The following RGL4 variants were observed in gnomAD, a reference collection of about 807,000 sequenced individuals.
The protein encoded by RGL4 is ral-GDS-related protein.
In RGL4, 41 loss-of-function variants were observed where a neutral mutation model predicts 49.6. The observed-to-expected ratio is 0.83, with a 90% CI of 0.64 to 1.07. RGL4 has a LOEUF of 1.07. Ranked by LOEUF, RGL4 falls within the 50% of genes least tolerant of loss-of-function variation. The pLI is 0.00. For missense variants in RGL4, 610 were observed against 591.9 expected (o/e 1.03, Z -0.32); for synonymous variants, 255 against 238.0 (o/e 1.07, Z -0.66).
chr22:23,697,163 T>G lies in RGL4; in HGVS notation c.1162-8T>G. ...CCCCTCCCACCTCCCCACCCCTCCT[T>G]GGCACAGGGTGTGGTCCCCTTCCTG... On this transcript the variant is annotated splice_polypyrimidine_tract_variant and splice_region_variant and intron_variant, in intron 7 of 10. Transcript: ENST00000290691. 1 of 1,609,900 alleles carries G rather than the reference T, an allele frequency of 6.2e-7. No individual in the cohort carries two copies. Among genetic ancestry groups the G allele is most frequent in the Non-Finnish European group, 8.5e-7 (1 of 1,177,210 alleles).
chr22:23,693,043 C>T lies in RGL4; in HGVS notation c.696+52C>T, dbSNP rs776580445. On this transcript the variant is annotated intron_variant, in intron 3 of 10. Transcript: ENST00000290691. ...GTCTCTGGCACCAGCTGTCTCAGACCAGCCTCTCCCTGAGGAGCAGCCAAT... is the reference window on the plus strand; with the variant it reads ...GTCTCTGGCACCAGCTGTCTCAGACTAGCCTCTCCCTGAGGAGCAGCCAAT... The T allele has an allele frequency of 2.6e-6, 4 of 1,529,664 alleles. No individual in the cohort carries two copies. The Admixed American group carries it at 7.8e-5, about 30-fold the overall frequency. 94.8% of individuals were successfully genotyped at this position (1,529,664 alleles called of 1,614,324 possible). A position where few individuals can be genotyped will look rare whatever the true frequency, so the allele number is the denominator to read the frequency against.
rs1923129247 is a variant in RGL4 at position 23,691,379 on chromosome 22, C to A, written c.-652C>A. On this transcript the variant is annotated 5_prime_UTR_variant, in exon 1 of 11. Transcript: ENST00000290691. ...TTGGTGCTGAAAAAGGAGCCACAGG[C>A]CCACTCAGACATCTGGAGAGGCTCA... The A allele has an allele frequency of 1.3e-5, 2 of 152,204 alleles. No homozygotes were observed. The highest frequency in any genetic ancestry group is 2.9e-5 in the Non-Finnish European group (2 of 68,060). 9.4% of individuals were successfully genotyped at this position (152,204 alleles called of 1,614,324 possible).
In RGL4 at chr22:23,692,338, C is replaced by T. The variant is rs1324994454; in HGVS notation, c.183C>T (p.Thr61=). 6.2e-7 allele frequency: 1 copy of T among 1,614,004 alleles called. No homozygotes were observed. The highest frequency in any genetic ancestry group is 8.5e-7 in the Non-Finnish European group (1 of 1,179,908). The change falls in exon 2 of 11, where the codon ACC becomes ACT. Residue 61 remains threonine (T), a synonymous_variant. Transcript: ENST00000290691. ...PFQDSTDGLR[T]ITSILFNWPP... ...CAGCTGTCTACTCCATCACCAGCAC[C>T]ATCACCTCCATTTTGTTCAACTGGC... is the stretch of plus-strand genomic sequence containing the variant.
In RGL4 at chr22:23,691,313, T is replaced by C. The variant is rs982216239; in HGVS notation, c.-718T>C. On this transcript the variant is annotated 5_prime_UTR_variant, in exon 1 of 11. Coordinates refer to ENST00000290691, the MANE Select transcript of RGL4 (RefSeq NM_153615.2). ...GGTAAAGGATGTCTGAGATTCCTTCTGGCTGGTCTTTCTCCTTGACACAGA... is the reference window on the plus strand; with the variant it reads ...GGTAAAGGATGTCTGAGATTCCTTCCGGCTGGTCTTTCTCCTTGACACAGA... 1 of 152,320 alleles carries C rather than the reference T, an allele frequency of 6.6e-6. No homozygotes were observed. The highest frequency in any genetic ancestry group is 1.9e-4 in the East Asian group (1 of 5,184). 9.4% of individuals were successfully genotyped at this position (152,320 alleles called of 1,614,324 possible). A position where few individuals can be genotyped will look rare whatever the true frequency, so the allele number is the denominator to read the frequency against.
At chr22:23,694,053 G>A (rs560813865) in intron 4 of RGL4, 79 bp downstream of exon 4, 173 of 1,311,424 alleles carry the variant, frequency 1.3e-4, no homozygotes, top group Non-Finnish European at 1.8e-4. Flanking sequence ...TTTCAGGATC[G>A]GCATCTGTAT....
chr22:23,693,987 T>C lies in RGL4; in HGVS notation c.912+13T>C. ...CAAGGTGGCCAGGGTAAGCTATGGT[T>C]GGGCCTGGGGATTCCCTCTTTAAAA... On this transcript the variant is annotated intron_variant, in intron 4 of 10. Coordinates refer to ENST00000290691, the MANE Select transcript of RGL4 (RefSeq NM_153615.2). The C allele has an allele frequency of 3.1e-6, 5 of 1,610,702 alleles. No homozygotes were observed. The highest frequency in any genetic ancestry group is 4.2e-6 in the Non-Finnish European group (5 of 1,177,730).
rs188693640 is a variant in RGL4 at position 23,691,480 on chromosome 22, T to C, written c.-551T>C. 444 of 153,726 alleles carry C rather than the reference T, an allele frequency of 2.9e-3. 2 individuals carry two copies. Among genetic ancestry groups the C allele is most frequent in the Non-Finnish European group, 4.2e-3 (293 of 68,956 alleles). 9.5% of individuals were successfully genotyped at this position (153,726 alleles called of 1,614,324 possible). Reference sequence around the variant, plus strand: ...ACACCTCATTTGTGCATCGCTCTTCTTGGGGCTTGGCATAATTTCATAAAC... The same window carrying C: ...ACACCTCATTTGTGCATCGCTCTTCCTGGGGCTTGGCATAATTTCATAAAC... On this transcript the variant is annotated 5_prime_UTR_variant, in exon 1 of 11. Coordinates refer to ENST00000290691, the MANE Select transcript of RGL4 (RefSeq NM_153615.2).
intron 8 of RGL4, 74 bp downstream of exon 8, chr22:23,697,319 C>T: frequency 8.1e-7 from 1 of 1,227,532 alleles, no homozygotes; most frequent in Non-Finnish European, 1.2e-6. Context: ...TGGACCGAGC[C>T]TTTAGATCTC....
At chr22:23,697,784 G>A (rs1038932782) in intron 8 of RGL4, 54 bp from the exon 9 acceptor site, 7 of 1,574,038 alleles carry the variant, frequency 4.4e-6, no homozygotes, top group Non-Finnish European at 5.2e-6. Context: ...AAGGGGTGGG[G>A]TGGGGCTGGT....
intron 5 of RGL4, 102 bp downstream of exon 5, chr22:23,694,552 G>A (rs1923361850): frequency 1.2e-6 from 1 of 805,166 alleles, no homozygotes; most frequent in South Asian, 1.5e-5. Flanking sequence ...TGGAGTCCAG[G>A]GACACTGGAG....
intron 6 of RGL4, 102 bp downstream of exon 6, chr22:23,695,121 G>A: frequency 1.1e-6 from 1 of 876,364 alleles, no homozygotes. Context: ...TATTTTGTTT[G>A]GTTTTGACTT....
chr22:23,696,163 G>A (rs747777024), intron 6 of RGL4, among the ~76,000 whole-genome samples: 5 of 152,320 alleles, frequency 3.3e-5, no homozygotes, highest in South Asian at 4.1e-4. Flanking sequence ...AGAAGGAGGC[G>A]TCCTCTCTTT....
rs1043719259 is a variant in RGL4, at chr22:23,698,788, CA to C, written c.1383-55del. On this transcript the variant is annotated intron_variant, in intron 10 of 10. Transcript: ENST00000290691. ...AGGATTCCAGCTGGGCAGGCACTGA[CA>C]GGGGACCTGATGTGTGGCTCATGGT... 5.1e-6 allele frequency: 8 copies of C among 1,561,144 alleles called. No individual in the cohort carries two copies. In the African/African-American group the frequency reaches 1.1e-4, roughly 21 times the overall value.
At chr22:23,694,731 T>C (rs1039254638) in intron 5 of RGL4, 8 of 597,636 alleles carry the variant, frequency 1.3e-5, no homozygotes, top group Non-Finnish European at 2.4e-5. Flanking sequence ...GAAAGCTAAC[T>C]GTAAACACGC....
intron 9 of RGL4, 62 bp downstream of exon 9, chr22:23,697,923 G>A (rs1174890583): frequency 1.3e-6 from 2 of 1,554,206 alleles, no homozygotes; most frequent in Non-Finnish European, 1.8e-6. Context: ...AGTCCACCCT[G>A]GGCAGGACAC....
At chr22:23,694,661 C>CT in intron 5 of RGL4, 1 of 597,608 alleles carries the variant, frequency 1.7e-6, no homozygotes, top group South Asian at 2.0e-5. Context: ...CAGGAACAGA[C>CT]TGGAGCCAAC....
chr22:23,697,315 G>A lies in RGL4; in HGVS notation c.1236+70G>A, dbSNP rs113678815. 221 of 1,268,912 alleles carry A rather than the reference G, an allele frequency of 1.7e-4. 4 individuals carry two copies. In the South Asian group the frequency reaches 2.4e-3, roughly 14 times the overall value. The allele number at this position is 1,268,912 out of a possible 1,614,324, so 78.6% of individuals were successfully genotyped here. A position where few individuals can be genotyped will look rare whatever the true frequency, so the allele number is the denominator to read the frequency against. On this transcript the variant is annotated intron_variant, in intron 8 of 10. Transcript: ENST00000290691. ...GCTTGGGAGGAGAGGGTCCTGGACC[G>A]AGCCTTTAGATCTCAGCCCTTGGCA...
chr22:23,693,665 C>G, intron 3 of RGL4, 94 bp from the exon 4 acceptor site: 4 of 999,510 alleles, frequency 4.0e-6, no homozygotes, highest in Non-Finnish European at 6.3e-6. Context: ...TGCCAGAGAC[C>G]GTGGATGACT....
intron 3 of RGL4, chr22:23,693,198 T>A: frequency 1.2e-6 from 1 of 867,492 alleles, no homozygotes; most frequent in Non-Finnish European, 1.7e-6. Flanking sequence ...CTGCACAGAG[T>A]GACTGTGCAG....
Sources: allele counts gnomAD v4.1 joint callset (sites outside exome capture counted in the v4.1 genomes callset), GRCh38; gene constraint gnomAD v4.1.1; transcripts MANE v1.5; gene names NCBI Gene and HGNC (gene_info 2026-07-23, HGNC 2026-07-21).